Variants in ACTR3C observed in about 807,000 individuals in gnomAD.
ACTR3C encodes the protein actin-related protein 3C.
ACTR3C carries 18 observed loss-of-function variants against 26.3 expected under a neutral mutation model. The observed-to-expected ratio is 0.68, with a 90% CI of 0.47 to 1.01. The LOEUF (loss-of-function observed/expected upper bound fraction) is 1.01. Among genes scored for constraint, ACTR3C ranks in the 50% least tolerant of loss-of-function variants. The pLI is 0.00. For synonymous variants in ACTR3C, 55 were observed against 94.5 expected, an observed-to-expected ratio of 0.58 and a Z score of 2.42; for missense variants, 184 against 250.7, an observed-to-expected ratio of 0.73 and a Z score of 1.80.
In ACTR3C at chr7:150,261,240, T is replaced by C. The variant is rs556161025; in HGVS notation, c.565-12186A>G. 4.6e-5 allele frequency among the ~76,000 whole-genome samples: 7 copies of C among 152,334 alleles called. No individual in the cohort carries two copies. In the East Asian group the frequency reaches 1.3e-3, roughly 29 times the overall value. On this transcript the variant is annotated intron_variant, in intron 6 of 7. Transcript: ENST00000683684. ...CAGGTATTGCTAATGCAACTGTGGC[T>C]GCTGCCTGGATGCATAATGGAAGTA...
chr7:150,265,741 T>C (rs1182300765), intron 6 of ACTR3C, among the ~76,000 whole-genome samples: 1 of 152,074 alleles, frequency 6.6e-6, no homozygotes, highest in Non-Finnish European at 1.5e-5. Context: ...TCAGCAAAAG[T>C]GATACACTCT....
chr7:149,983,449 G>GTGTGTGTGTGTATATATATATATA, the ACTR3C span, among the ~76,000 whole-genome samples: 23 of 23,282 alleles, frequency 9.9e-4, no homozygotes, highest in African/African-American at 3.2e-3. Context: ...GTGTGTGTGT[G>GTGTGTGTGTGTATATATATATATA]TATATATATA....
the ACTR3C span, among the ~76,000 whole-genome samples, chr7:150,035,016 C>CGGG: frequency 4.9e-5 from 7 of 142,284 alleles, no homozygotes; most frequent in Non-Finnish European, 1.1e-4. Context: ...TCCTCAGAGC[C>CGGG]AGGGGGGGAA....
the ACTR3C span, among the ~76,000 whole-genome samples, chr7:150,194,693 C>A: frequency 2.0e-5 from 3 of 151,946 alleles, no homozygotes; most frequent in African/African-American, 7.3e-5. Flanking sequence ...TTCATTTTAT[C>A]TCTTTTATCA....
At chr7:150,120,580 G>A in the ACTR3C span, among the ~76,000 whole-genome samples, 6 of 152,036 alleles carry the variant, frequency 3.9e-5, no homozygotes, top group African/African-American at 1.4e-4. Flanking sequence ...TTCTGAAGTT[G>A]ATACAGTAAT....
At chr7:150,183,902 T>C in the ACTR3C span, among the ~76,000 whole-genome samples, 2 of 150,060 alleles carry the variant, frequency 1.3e-5, no homozygotes, top group East Asian at 3.9e-4. Context: ...TGAGTGAGGC[T>C]CATGAGATCT....
At chr7:150,219,857 A>T in the ACTR3C span, among the ~76,000 whole-genome samples, 1 of 144,782 alleles carries the variant, frequency 6.9e-6, no homozygotes, top group South Asian at 2.1e-4. Context: ...GCTCTGGCCC[A>T]GGGGGGTCTG....
chr7:150,287,398 G>A (rs187401214), intron 4 of ACTR3C, among the ~76,000 whole-genome samples: 16 of 152,348 alleles, frequency 1.1e-4, no homozygotes, highest in East Asian at 1.9e-4. Context: ...AGTCGCTAAC[G>A]ATTCCCACCC....
chr7:149,889,688 C>G, the ACTR3C span, among the ~76,000 whole-genome samples: 1 of 152,098 alleles, frequency 6.6e-6, no homozygotes, highest in African/African-American at 2.4e-5. Flanking sequence ...CCCACCCCAT[C>G]TCCACAAAAA....
the ACTR3C span, among the ~76,000 whole-genome samples, chr7:150,198,363 G>A: frequency 6.8e-6 from 1 of 148,098 alleles, no homozygotes; most frequent in Non-Finnish European, 1.5e-5. Context: ...AGTGAGGAGC[G>A]TCTGCGCCCG....
the ACTR3C span, among the ~76,000 whole-genome samples, chr7:149,954,030 A>T: frequency 2.1e-4 from 29 of 140,926 alleles, no homozygotes; most frequent in African/African-American, 7.6e-4. Flanking sequence ...TCCTTTTTAG[A>T]GACAACTCTG....
the ACTR3C span, among the ~76,000 whole-genome samples, chr7:150,035,577 G>A: frequency 7.7e-6 from 1 of 129,772 alleles, no homozygotes; most frequent in Non-Finnish European, 1.7e-5. Flanking sequence ...GGGGGGAAGA[G>A]GGACTGGCTC....
At chr7:149,923,997 A>G in the ACTR3C span, among the ~76,000 whole-genome samples, 10 of 150,520 alleles carry the variant, frequency 6.6e-5, no homozygotes, top group Non-Finnish European at 1.2e-4. Flanking sequence ...ACTCAGTCTC[A>G]ATTAAAAAAA....
the ACTR3C span, among the ~76,000 whole-genome samples, chr7:150,080,905 G>A: frequency 6.6e-6 from 1 of 152,188 alleles, no homozygotes; most frequent in African/African-American, 2.4e-5. Flanking sequence ...TTTGGGTCAT[G>A]ATTTGTAAGC....
chr7:150,286,310 T>C, intron 5 of ACTR3C, 57 bp downstream of exon 5: 9 of 1,572,236 alleles, frequency 5.7e-6, no homozygotes, highest in Non-Finnish European at 7.8e-6. Context: ...TTCTACACTC[T>C]GGGTGGCAGT....
At chr7:149,919,031 T>C in the ACTR3C span, among the ~76,000 whole-genome samples, 2 of 152,368 alleles carry the variant, frequency 1.3e-5, no homozygotes, top group African/African-American at 4.8e-5. Flanking sequence ...TTCAGCCTTC[T>C]CTACAAGTTT....
At chr7:149,912,504 A>AT in the ACTR3C span, among the ~76,000 whole-genome samples, 137 of 139,714 alleles carry the variant, frequency 9.8e-4, no homozygotes, top group African/African-American at 2.9e-3. Flanking sequence ...AGATATATTA[A>AT]TTTTTTTTTT....
the ACTR3C span, among the ~76,000 whole-genome samples, chr7:150,063,537 G>A: frequency 6.6e-6 from 1 of 151,398 alleles, no homozygotes; most frequent in Non-Finnish European, 1.5e-5. Context: ...AGCTGCTCTT[G>A]TACAGTGTAC....
the ACTR3C span, among the ~76,000 whole-genome samples, chr7:150,078,660 A>G: frequency 0.15 from 23,517 of 151,948 alleles, 1,927 homozygotes; most frequent in South Asian, 0.26. Context: ...GAGATAGCGA[A>G]TTCTGGATAT....
Sources: gnomAD v4.1 joint callset for allele counts (sites outside exome capture counted in the v4.1 genomes callset) on GRCh38, gnomAD v4.1.1 for gene constraint, MANE v1.5 for transcripts, NCBI Gene and HGNC (gene_info 2026-07-23, HGNC 2026-07-21) for gene names.